The following IGSF3 variants were observed in gnomAD, a reference collection of about 807,000 sequenced individuals.
IGSF3 encodes the protein immunoglobulin superfamily member 3, also known as glu-Trp-Ile EWI motif-containing protein 3.
Under a neutral mutation model 114.4 loss-of-function variants are expected in IGSF3, and 23 were observed. The ratio of observed to expected loss-of-function variants is 0.20; its 90% CI spans 0.14 to 0.28. The LOEUF (loss-of-function observed/expected upper bound fraction) is 0.28. Among genes scored for constraint, IGSF3 ranks in the 10% least tolerant of loss-of-function variants. The pLI, the probability that IGSF3 is intolerant of heterozygous loss-of-function variation, is 1.00. For synonymous variants in IGSF3, 571 were observed against 645.2 expected (o/e 0.88, Z 1.74); for missense variants, 1,172 against 1,591.5 (o/e 0.74, Z 4.48).
In IGSF3 at chr1:116,575,371, G is replaced by C. The variant is rs1659302958; in HGVS notation, c.*1941C>G. ...TCTCACAGGAGGGTACGGTATACTT[G>C]GGGGAGAAAAGGCAGGTCTGTGTGT... On this transcript the variant is annotated 3_prime_UTR_variant, in exon 11 of 11. Coordinates refer to ENST00000369486, the MANE Select transcript of IGSF3 (RefSeq NM_001007237.3). The surrounding 1 kb of genome is among the most constrained non-coding windows in gnomAD (Gnocchi z 5.6). 6.5e-6 allele frequency: 1 copy of C among 152,728 alleles called. No individual in the cohort carries two copies. The highest frequency in any genetic ancestry group is 1.5e-5 in the Non-Finnish European group (1 of 68,084). The allele number at this position is 152,728 out of a possible 1,614,324, so 9.5% of individuals were successfully genotyped here. A position where few individuals can be genotyped will look rare whatever the true frequency, so the allele number is the denominator to read the frequency against.
chr1:116,627,053 G>A lies in IGSF3; in HGVS notation c.44-10596C>T, dbSNP rs1320716098. 6.6e-6 allele frequency among the ~76,000 whole-genome samples: 1 copy of A among 152,202 alleles called. No homozygotes were observed. The highest frequency in any genetic ancestry group is 1.5e-5 in the Non-Finnish European group (1 of 68,032). On this transcript the variant is annotated intron_variant, in intron 2 of 10. Coordinates refer to ENST00000369486, the MANE Select transcript of IGSF3 (RefSeq NM_001007237.3). This position sits in a 1 kb window ranked among gnomAD's most constrained non-coding sequence, Gnocchi z 4.7. The stretch of plus-strand genomic sequence containing the variant: ...AAAGGCAAGATCAGATTACTTGCCT[G>A]TAAATGTTCTCCCTGTAATTACTCT...
At chr1:116,656,426 G>C (rs944799034) in intron 2 of IGSF3, among the ~76,000 whole-genome samples, 3 of 149,862 alleles carry the variant, frequency 2.0e-5, no homozygotes, top group Non-Finnish European at 4.4e-5. Flanking sequence ...TCCGCCTCCC[G>C]GGTAGCTGCA....
In IGSF3 at chr1:116,589,688, T is replaced by C. The variant is rs1660013380; in HGVS notation, c.2030-584A>G. 6.6e-6 allele frequency among the ~76,000 whole-genome samples: 1 copy of C among 152,086 alleles called. No homozygotes were observed. The highest frequency in any genetic ancestry group is 1.5e-5 in the Non-Finnish European group (1 of 67,994). On this transcript the variant is annotated intron_variant, in intron 7 of 10. Transcript: ENST00000369486. This position sits in a 1 kb window ranked among gnomAD's most constrained non-coding sequence, Gnocchi z 5.7. ...CTCATTCCCGTCCCCCTGGGCTCCA[T>C]ACCCTTCCTCAGCACCCTCTATATA...
chr1:116,609,565 G>A (rs573673552), intron 4 of IGSF3, among the ~76,000 whole-genome samples: 4 of 152,162 alleles, frequency 2.6e-5, no homozygotes, highest in African/African-American at 7.2e-5. Context: ...GGAAGAAAAC[G>A]GAGTTAAGGG....
chr1:116,588,345 C>G lies in IGSF3; in HGVS notation c.2440+349G>C, dbSNP rs898424162. On this transcript the variant is annotated intron_variant, in intron 8 of 10. Transcript: ENST00000369486. The surrounding 1 kb of genome is among the most constrained non-coding windows in gnomAD (Gnocchi z 4.9). ...TCTGGGTGTGGAGCTGGTGTCAGCC[C>G]AAGATTCAGGGTGCAAACTGCAAAC... Among the ~76,000 whole-genome samples the G allele has an allele frequency of 2.0e-5, 3 of 152,052 alleles. No individual in the cohort carries two copies. The highest frequency in any genetic ancestry group is 6.6e-5 in the Admixed American group (1 of 15,266).
In IGSF3 at chr1:116,576,570, G is replaced by A. The variant is rs1365662184; in HGVS notation, c.*742C>T. Reference sequence around the variant, plus strand: ...TTTTCTTATTTTTTGGCAAGGATGGGATGAAGCCTTTTTTGCCTCCCTGAC... The same window carrying A: ...TTTTCTTATTTTTTGGCAAGGATGGAATGAAGCCTTTTTTGCCTCCCTGAC... On this transcript the variant is annotated 3_prime_UTR_variant, in exon 11 of 11. Coordinates refer to ENST00000369486, the MANE Select transcript of IGSF3 (RefSeq NM_001007237.3). The surrounding 1 kb of genome is among the most constrained non-coding windows in gnomAD (Gnocchi z 4.6). The A allele has an allele frequency of 6.6e-6, 1 of 152,622 alleles. No individual in the cohort carries two copies. The highest frequency in any genetic ancestry group is 1.5e-5 in the Non-Finnish European group (1 of 68,040). The allele number at this position is 152,622 out of a possible 1,614,324, so 9.5% of individuals were successfully genotyped here.
chr1:116,616,076 T>C lies in IGSF3; in HGVS notation c.421+4A>G, dbSNP rs1357068078. The C allele has an allele frequency of 3.8e-6, 6 of 1,589,238 alleles. No individual in the cohort carries two copies. Among genetic ancestry groups the C allele is most frequent in the Non-Finnish European group, 5.2e-6 (6 of 1,159,266 alleles). ...CTGGCAACGTGAAGACAGCTTCTCCTTACCCACTAGGTTCATCTTTGCACT... is the reference window on the plus strand; with the variant it reads ...CTGGCAACGTGAAGACAGCTTCTCCCTACCCACTAGGTTCATCTTTGCACT... On this transcript the variant is annotated splice_donor_region_variant and intron_variant, in intron 3 of 10. Transcript: ENST00000369486. This position sits in a 1 kb window ranked among gnomAD's most constrained non-coding sequence, Gnocchi z 6.6.
At position 116,623,165 on chromosome 1, in the gene IGSF3, C is replaced by G. The variant is rs568644445; in HGVS notation, c.44-6708G>C. On this transcript the variant is annotated intron_variant, in intron 2 of 10. Coordinates refer to ENST00000369486, the MANE Select transcript of IGSF3 (RefSeq NM_001007237.3). Reference sequence around the variant, plus strand: ...TGGGCTAAAAGATCCTTTGTTTGACCTCTTTCCAGATCAGGTGACAGGAAA... The same window carrying G: ...TGGGCTAAAAGATCCTTTGTTTGACGTCTTTCCAGATCAGGTGACAGGAAA... Among the ~76,000 whole-genome samples the G allele has an allele frequency of 9.2e-5, 14 of 152,350 alleles. No homozygotes were observed. In the South Asian group the frequency reaches 1.2e-3, roughly 14 times the overall value.
chr1:116,663,032 C>T (rs972052670), intron 2 of IGSF3, among the ~76,000 whole-genome samples: 4 of 152,234 alleles, frequency 2.6e-5, no homozygotes, highest in African/African-American at 9.6e-5. Context: ...TGGAGCAGAA[C>T]ACAAATGATC....
rs951087278 is a variant in IGSF3 at position 116,664,891 on chromosome 1, C to G, written c.43+1393G>C. Among the ~76,000 whole-genome samples, 5 of 152,196 alleles carry G rather than the reference C, an allele frequency of 3.3e-5. No homozygotes were observed. Among genetic ancestry groups the G allele is most frequent in the African/African-American group, 1.2e-4 (5 of 41,438 alleles). ...ACCTGAGATAGCTCAAAGGCTGAGA[C>G]CTGGGTCCCACTCCCTAAGCGAGTT... On this transcript the variant is annotated intron_variant, in intron 2 of 10. Transcript: ENST00000369486. The surrounding 1 kb of genome is among the most constrained non-coding windows in gnomAD (Gnocchi z 4.6).
intron 6 of IGSF3, among the ~76,000 whole-genome samples, chr1:116,602,071 A>G (rs1660614983): frequency 6.6e-6 from 1 of 152,224 alleles, no homozygotes. Context: ...TTAGACTGAA[A>G]AGACAACCTT....
At position 116,642,284 on chromosome 1, in the gene IGSF3, G is replaced by A. The variant is rs1379609163; in HGVS notation, c.43+24000C>T. 1.3e-5 allele frequency among the ~76,000 whole-genome samples: 2 copies of A among 152,102 alleles called. No individual in the cohort carries two copies. Among genetic ancestry groups the A allele is most frequent in the African/African-American group, 2.4e-5 (1 of 41,412 alleles). ...TGGTAAAAGAATTATCCTTAAGTGG[G>A]TATTTTTTCCCTAAGTCTGAAATGA... On this transcript the variant is annotated intron_variant, in intron 2 of 10. Coordinates refer to ENST00000369486, the MANE Select transcript of IGSF3 (RefSeq NM_001007237.3). The surrounding 1 kb of genome is among the most constrained non-coding windows in gnomAD (Gnocchi z 5.4).
In IGSF3 at chr1:116,627,645, G is replaced by C. The variant is rs1647355941; in HGVS notation, c.44-11188C>G. 6.6e-6 allele frequency among the ~76,000 whole-genome samples: 1 copy of C among 152,248 alleles called. No individual in the cohort carries two copies. Among genetic ancestry groups the C allele is most frequent in the Non-Finnish European group, 1.5e-5 (1 of 68,048 alleles). ...TCAGGATGTCAGCTACCAGGCAGCA[G>C]AGGGATGCGGGGCGCCAACAGCAAA... On this transcript the variant is annotated intron_variant, in intron 2 of 10. Transcript: ENST00000369486. This position sits in a 1 kb window ranked among gnomAD's most constrained non-coding sequence, Gnocchi z 4.7.
chr1:116,635,477 T>G (rs1162246855), intron 2 of IGSF3, among the ~76,000 whole-genome samples: 1 of 152,214 alleles, frequency 6.6e-6, no homozygotes, highest in African/African-American at 2.4e-5. Context: ...CTCTCCCTCC[T>G]GTAGCCACAG....
intron 10 of IGSF3, among the ~76,000 whole-genome samples, chr1:116,578,953 A>G (rs899795937): frequency 6.6e-6 from 1 of 152,206 alleles, no homozygotes; most frequent in Non-Finnish European, 1.5e-5. Context: ...CAAAATAACA[A>G]TAACGCAGAA....
chr1:116,599,984 C>T lies in IGSF3; in HGVS notation c.1986G>A (p.Ala662=), dbSNP rs118016798. 312 of 1,613,964 alleles carry T rather than the reference C, an allele frequency of 1.9e-4. 1 individual carries two copies. The East Asian group carries it at 3.4e-3, about 18-fold the overall frequency. The change falls in exon 7 of 11, where the codon GCG becomes GCA. Residue 662 remains alanine, a synonymous_variant. Coordinates refer to ENST00000369486, the MANE Select transcript of IGSF3 (RefSeq NM_001007237.3). ...TCTCCAGCAGGTTGGAGGTCCTCTC[C>T]GCCAGTCGCGTCCAGGTGTTGTTGT... ...KNYNNTWTRL[A]ERTSNLLEIR...
chr1:116,614,323 C>G lies in IGSF3; in HGVS notation c.422-148G>C, dbSNP rs1425099363. The G allele has an allele frequency of 4.7e-6, 3 of 643,010 alleles. No individual in the cohort carries two copies. The East Asian group carries it at 8.2e-5, about 18-fold the overall frequency. The allele number at this position is 643,010 out of a possible 1,614,324, so 39.8% of individuals were successfully genotyped here. On this transcript the variant is annotated intron_variant, in intron 3 of 10. Transcript: ENST00000369486. This position sits in a 1 kb window ranked among gnomAD's most constrained non-coding sequence, Gnocchi z 4.5. ...ATCGATTCAAGGCCACAGACAGCCC[C>G]AAATGCACATAAACAGAAAGTTTTC...
chr1:116,654,276 G>C lies in IGSF3; in HGVS notation c.43+12008C>G, dbSNP rs2101074894. 6.6e-6 allele frequency among the ~76,000 whole-genome samples: 1 copy of C among 152,346 alleles called. No homozygotes were observed. Among genetic ancestry groups the C allele is most frequent in the Non-Finnish European group, 1.5e-5 (1 of 68,032 alleles). On this transcript the variant is annotated intron_variant, in intron 2 of 10. Transcript: ENST00000369486. The surrounding 1 kb of genome is among the most constrained non-coding windows in gnomAD (Gnocchi z 4.4). The stretch of plus-strand genomic sequence containing the variant: ...CCTGAGGGCAGCAGGCACCTGCTTT[G>C]GCACCTTGGCAATTTCCACCAGGCA...
Position 116,579,647 on chromosome 1 carries a change from GGTCGTCGTC to G in IGSF3, c.3070_3078del (p.Asp1024_Asp1026del), listed in dbSNP as rs531457319. On this transcript the variant is annotated inframe_deletion, in exon 10 of 11. Coordinates refer to ENST00000369486, the MANE Select transcript of IGSF3 (RefSeq NM_001007237.3). The surrounding 1 kb of genome is among the most constrained non-coding windows in gnomAD (Gnocchi z 6.4). The stretch of plus-strand genomic sequence containing the variant: ...CTCAGCAGGGCCGTCCGCTCTGTTG[GGTCGTCGTC>G]GTCGTCGTCGTCCTCCTCCTCCTCC... 21 of 1,595,718 alleles carry G rather than the reference GGTCGTCGTC, an allele frequency of 1.3e-5. No individual in the cohort carries two copies. Among genetic ancestry groups the G allele is most frequent in the Middle Eastern group, 1.6e-4 (1 of 6,070 alleles).
Sources: allele counts gnomAD v4.1 joint callset (sites outside exome capture counted in the v4.1 genomes callset), GRCh38; gene constraint gnomAD v4.1.1; non-coding constraint Gnocchi (gnomAD v3.1); transcripts MANE v1.5; gene names NCBI Gene and HGNC (gene_info 2026-07-23, HGNC 2026-07-21).